Variants in CEP112 observed in about 807,000 individuals in gnomAD.
CEP112 encodes the protein centrosomal protein of 112 kDa.
Under a neutral mutation model 153.0 loss-of-function variants are expected in CEP112, and 127 were observed. That is an observed-to-expected ratio of 0.83 (90% CI 0.72 to 0.96). The LOEUF (loss-of-function observed/expected upper bound fraction) is 0.96. Among genes scored for constraint, CEP112 ranks in the 40% least tolerant of loss-of-function variants. The pLI, the probability that CEP112 is intolerant of heterozygous loss-of-function variation, is 0.00. For synonymous variants in CEP112, 358 were observed against 374.4 expected, an observed-to-expected ratio of 0.96 and a Z score of 0.51; for missense variants, 1,089 against 1,101.2, an observed-to-expected ratio of 0.99 and a Z score of 0.16.
chr17:65,782,197 C>T (rs2054034045), intron 21 of CEP112, among the ~76,000 whole-genome samples: 1 of 152,012 alleles, frequency 6.6e-6, no homozygotes, highest in Non-Finnish European at 1.5e-5. Context: ...CATGACCAGA[C>T]ATTTCTCAAA....
At chr17:65,725,170 T>C (rs1311761067) in intron 23 of CEP112, among the ~76,000 whole-genome samples, 1 of 152,224 alleles carries the variant, frequency 6.6e-6, no homozygotes, top group Non-Finnish European at 1.5e-5. Context: ...ATTTAACTAA[T>C]CCAAGAACTA....
At chr17:65,862,020 G>A (rs2058325902) in intron 20 of CEP112, among the ~76,000 whole-genome samples, 1 of 152,168 alleles carries the variant, frequency 6.6e-6, no homozygotes, top group African/African-American at 2.4e-5. Flanking sequence ...GAATTAACCA[G>A]AGCTGTGCAC....
intron 21 of CEP112, chr17:65,826,180 C>T (rs2056831486): frequency 6.2e-7 from 1 of 1,614,194 alleles, no homozygotes. Context: ...CCCTCAGAGG[C>T]TTCAAACTTC....
intron 21 of CEP112, among the ~76,000 whole-genome samples, chr17:65,802,760 A>G (rs547769135): frequency 1.4e-4 from 22 of 152,222 alleles, no homozygotes; most frequent in Non-Finnish European, 2.8e-4. Context: ...ACTCATCGTG[A>G]TGCCTAACTC....
chr17:66,029,780 A>T, intron 13 of CEP112, 89 bp downstream of exon 13: 1 of 1,083,264 alleles, frequency 9.2e-7, no homozygotes, highest in African/African-American at 1.6e-5. Context: ...CTAAACGCAC[A>T]AGGTGTAATT....
At chr17:66,082,916 T>C (rs1359808204) in intron 8 of CEP112, among the ~76,000 whole-genome samples, 1 of 152,082 alleles carries the variant, frequency 6.6e-6, no homozygotes, top group Non-Finnish European at 1.5e-5. Context: ...TAATTTTACA[T>C]ATTTTACTCA....
At chr17:66,134,940 G>A (rs1308189678) in intron 4 of CEP112, among the ~76,000 whole-genome samples, 1 of 152,134 alleles carries the variant, frequency 6.6e-6, no homozygotes, top group Non-Finnish European at 1.5e-5. Flanking sequence ...TGTGATCCCA[G>A]AGTTCTGTGT....
chr17:66,052,327 C>A (rs1361033699), intron 12 of CEP112, among the ~76,000 whole-genome samples: 1 of 152,066 alleles, frequency 6.6e-6, no homozygotes, highest in Non-Finnish European at 1.5e-5. Flanking sequence ...AGTAGGGGAC[C>A]ATTTGTATCA....
chr17:66,116,863 CT>C (rs35885142), intron 6 of CEP112, among the ~76,000 whole-genome samples: 160 of 119,184 alleles, frequency 1.3e-3, no homozygotes, highest in African/African-American at 3.6e-3. Context: ...CTCCAATCTC[CT>C]TTTTTTTTTT....
At chr17:66,081,351 G>A (rs1351332301) in intron 8 of CEP112, among the ~76,000 whole-genome samples, 1 of 152,070 alleles carries the variant, frequency 6.6e-6, no homozygotes, top group Non-Finnish European at 1.5e-5. Flanking sequence ...GTTACTTCTA[G>A]GAAAGATGGA....
chr17:65,772,867 A>C (rs953201010), intron 21 of CEP112, among the ~76,000 whole-genome samples: 4 of 151,266 alleles, frequency 2.6e-5, no homozygotes, highest in African/African-American at 9.8e-5. Flanking sequence ...AGACTTCCAT[A>C]AGGAGGTGAA....
At chr17:65,714,356 A>G (rs1008671088) in intron 23 of CEP112, among the ~76,000 whole-genome samples, 1 of 152,174 alleles carries the variant, frequency 6.6e-6, no homozygotes, top group African/African-American at 2.4e-5. Context: ...ACTGATCAAA[A>G]TGTGAAAAAG....
chr17:66,004,869 T>C (rs2064207876), intron 17 of CEP112, among the ~76,000 whole-genome samples: 1 of 152,216 alleles, frequency 6.6e-6, no homozygotes, highest in Non-Finnish European at 1.5e-5. Context: ...CTCTGGGAGT[T>C]AGCTAGGTAT....
chr17:66,169,965 G>A (rs2072174723), intron 4 of CEP112, among the ~76,000 whole-genome samples: 1 of 152,194 alleles, frequency 6.6e-6, no homozygotes, highest in Non-Finnish European at 1.5e-5. Flanking sequence ...TTCTCATCTA[G>A]AGGCTCAACT....
intron 12 of CEP112, among the ~76,000 whole-genome samples, chr17:66,047,821 TTTTC>T (rs1230909235): frequency 6.6e-6 from 1 of 152,170 alleles, no homozygotes; most frequent in Non-Finnish European, 1.5e-5. Context: ...CAGAGTACTG[TTTTC>T]TTTATTAACT....
chr17:65,757,339 T>C (rs1312520716), intron 21 of CEP112, among the ~76,000 whole-genome samples: 1 of 152,158 alleles, frequency 6.6e-6, no homozygotes, highest in Non-Finnish European at 1.5e-5. Context: ...GAGCTTCTGA[T>C]TGCTCTCATT....
chr17:65,893,745 C>T (rs937388831), intron 20 of CEP112, among the ~76,000 whole-genome samples: 1 of 152,002 alleles, frequency 6.6e-6, no homozygotes, highest in Non-Finnish European at 1.5e-5. Context: ...TTCTCTTCTC[C>T]AAATAGGCAT....
intron 6 of CEP112, among the ~76,000 whole-genome samples, chr17:66,101,236 C>T (rs1199856639): frequency 6.6e-6 from 1 of 151,886 alleles, no homozygotes; most frequent in African/African-American, 2.4e-5. Context: ...CTGTAACATA[C>T]ATCATATAAA....
rs2044735561 is a variant in CEP112, at chr17:65,635,677, A to G, written c.*294T>C. On this transcript the variant is annotated 3_prime_UTR_variant, in exon 27 of 27. Coordinates refer to ENST00000535342, the MANE Select transcript of CEP112 (RefSeq NM_001199165.4). ...TAAAATTCTATGCAAAAGGATTAAC[A>G]AGGCATATCATAGGAAATCACTTTG... is the stretch of plus-strand genomic sequence containing the variant. The G allele has an allele frequency of 2.7e-5, 12 of 440,688 alleles. No individual in the cohort carries two copies. In the East Asian group the frequency reaches 4.2e-4, roughly 15 times the overall value. The allele number at this position is 440,688 out of a possible 1,614,324, so 27.3% of individuals were successfully genotyped here.
Sources: allele counts gnomAD v4.1 joint callset (sites outside exome capture counted in the v4.1 genomes callset), GRCh38; gene constraint gnomAD v4.1.1; transcripts MANE v1.5; gene names NCBI Gene and HGNC (gene_info 2026-07-23, HGNC 2026-07-21).